Variants in CALN1 observed in about 807,000 individuals in gnomAD.
CALN1 encodes the protein calneuron 1, also known as calcium-binding protein 8.
CALN1 carries 17 observed loss-of-function variants against 30.6 expected under a neutral mutation model. The ratio of observed to expected loss-of-function variants is 0.56; its 90% CI spans 0.38 to 0.83. The LOEUF is 0.83. Among genes scored for constraint, CALN1 ranks in the 40% least tolerant of loss-of-function variants. CALN1 has a pLI of 0.00. For missense variants in CALN1, 291 were observed against 354.9 expected, an observed-to-expected ratio of 0.82 and a Z score of 1.45; for synonymous variants, 156 against 131.4, an observed-to-expected ratio of 1.19 and a Z score of -1.28.
intron 5 of CALN1, among the ~76,000 whole-genome samples, chr7:71,907,924 T>C (rs1371338773): frequency 6.6e-6 from 1 of 152,242 alleles, no homozygotes; most frequent in Non-Finnish European, 1.5e-5. Flanking sequence ...AAAGGATTAA[T>C]AAAAAATGTG....
intron 5 of CALN1, among the ~76,000 whole-genome samples, chr7:72,019,996 A>G (rs1238485489): frequency 6.6e-6 from 1 of 152,116 alleles, no homozygotes; most frequent in African/African-American, 2.4e-5. Flanking sequence ...GGATATCAGT[A>G]CCTCCTAAGA....
At chr7:71,862,423 C>T (rs1246530071) in intron 5 of CALN1, among the ~76,000 whole-genome samples, 3 of 152,124 alleles carry the variant, frequency 2.0e-5, no homozygotes, top group Non-Finnish European at 4.4e-5. Flanking sequence ...ATAAGTCTCA[C>T]GAGATCTGAT....
intron 4 of CALN1, among the ~76,000 whole-genome samples, chr7:72,059,462 GAAAA>G (rs34494725): frequency 7.9e-5 from 12 of 151,230 alleles, no homozygotes; most frequent in African/African-American, 2.9e-4. Flanking sequence ...AAAGTTTTCT[GAAAA>G]AAAAAGCCAG....
intron 5 of CALN1, among the ~76,000 whole-genome samples, 183 bp from the exon 6 acceptor site, chr7:71,810,675 T>C (rs1174480021): frequency 6.6e-6 from 1 of 152,078 alleles, no homozygotes; most frequent in Non-Finnish European, 1.5e-5. Flanking sequence ...AGGGACTTAT[T>C]GGAATGATAG....
At chr7:71,799,450 T>TTTATTTAGTTAG (rs1443958769) in intron 6 of CALN1, among the ~76,000 whole-genome samples, 26 of 69,120 alleles carry the variant, frequency 3.8e-4, no homozygotes, top group African/African-American at 9.0e-4. Context: ...TATTTATTTA[T>TTTATTTAGTTAG]TTAGTTAGTT....
intron 2 of CALN1, among the ~76,000 whole-genome samples, chr7:72,342,694 A>C (rs2129558853): frequency 6.6e-6 from 1 of 152,278 alleles, no homozygotes; most frequent in East Asian, 1.9e-4. Context: ...ACACCAAGAC[A>C]AGTGCTACCT....
At chr7:72,307,552 C>A (rs1242187371) in intron 2 of CALN1, among the ~76,000 whole-genome samples, 1 of 152,198 alleles carries the variant, frequency 6.6e-6, no homozygotes, top group Non-Finnish European at 1.5e-5. Flanking sequence ...CAGCCTGTGG[C>A]CTCGCAAAGC....
At chr7:72,111,853 C>G (rs1416075332) in intron 3 of CALN1, among the ~76,000 whole-genome samples, 1 of 152,026 alleles carries the variant, frequency 6.6e-6, no homozygotes, top group Non-Finnish European at 1.5e-5. Flanking sequence ...CTGGTTCAAG[C>G]AATTTTCCTG....
chr7:71,857,016 ATGTGTGTG>A (rs200594767), intron 5 of CALN1, among the ~76,000 whole-genome samples: 8,961 of 142,244 alleles, frequency 0.063, 722 homozygotes, highest in African/African-American at 0.19. Context: ...GTGTATATGT[ATGTGTGTG>A]TGTGTGTGTG....
intron 3 of CALN1, among the ~76,000 whole-genome samples, chr7:72,181,099 C>G (rs1304191403): frequency 2.5e-4 from 8 of 32,216 alleles, no homozygotes; most frequent in African/African-American, 4.8e-4. Flanking sequence ...CTGCATAACC[C>G]CCCCCCCCCC....
intron 5 of CALN1, among the ~76,000 whole-genome samples, chr7:71,985,190 T>G (rs577535153): frequency 4.0e-4 from 61 of 152,218 alleles, no homozygotes; most frequent in African/African-American, 1.4e-3. Context: ...GGGGAAATGT[T>G]CAGCCTCTCT....
At chr7:72,468,752 T>C in the CALN1 span, among the ~76,000 whole-genome samples, 1 of 152,212 alleles carries the variant, frequency 6.6e-6, no homozygotes, top group African/African-American at 2.4e-5. Flanking sequence ...AGAGCCATCA[T>C]AGCGGCTATG....
At chr7:72,450,622 G>A (rs948353104), upstream of CALN1, among the ~76,000 whole-genome samples, 1 of 152,184 alleles carries the variant, frequency 6.6e-6, no homozygotes, top group Non-Finnish European at 1.5e-5. Context: ...GATCACGCCT[G>A]TAATCCCAGC....
At chr7:71,850,790 T>G (rs1584368671) in intron 5 of CALN1, among the ~76,000 whole-genome samples, 1 of 152,168 alleles carries the variant, frequency 6.6e-6, no homozygotes, top group East Asian at 1.9e-4. Flanking sequence ...AAGAACAGAA[T>G]AAAATCTATG....
chr7:72,280,109 G>T (rs572241700), intron 2 of CALN1, among the ~76,000 whole-genome samples: 1 of 152,112 alleles, frequency 6.6e-6, no homozygotes, highest in African/African-American at 2.4e-5. Flanking sequence ...ATTTCCACCC[G>T]GATGTCAAAC....
At chr7:71,818,039 T>A (rs1026278424) in intron 5 of CALN1, among the ~76,000 whole-genome samples, 1 of 152,124 alleles carries the variant, frequency 6.6e-6, no homozygotes, top group Admixed American at 6.6e-5. Context: ...AAATGGTTAT[T>A]GGGAATGACT....
At chr7:72,344,928 A>G (rs1802556576) in intron 2 of CALN1, among the ~76,000 whole-genome samples, 1 of 147,584 alleles carries the variant, frequency 6.8e-6, no homozygotes, top group African/African-American at 2.5e-5. Flanking sequence ...GTGAACATAT[A>G]TTTATTCATA....
intron 2 of CALN1, among the ~76,000 whole-genome samples, chr7:72,332,030 T>C (rs2129558156): frequency 6.6e-6 from 1 of 152,350 alleles, no homozygotes; most frequent in South Asian, 2.1e-4. Context: ...GGACATGAAC[T>C]CATCATTTTT....
chr7:71,894,436 T>A (rs1793426285), intron 5 of CALN1, among the ~76,000 whole-genome samples: 2 of 148,542 alleles, frequency 1.3e-5, no homozygotes, highest in South Asian at 2.1e-4. Flanking sequence ...GGCTAATTTT[T>A]AAATTTTTTT....
Sources: gnomAD v4.1 joint callset for allele counts (sites outside exome capture counted in the v4.1 genomes callset) on GRCh38, gnomAD v4.1.1 for gene constraint, MANE v1.5 for transcripts, NCBI Gene and HGNC (gene_info 2026-07-23, HGNC 2026-07-21) for gene names.